Variants in LRMDA observed in about 807,000 individuals in gnomAD.
The protein encoded by LRMDA is leucine rich melanocyte differentiation associated, also known as leucine-rich melanocyte differentiation-associated protein.
A neutral mutation model predicts 29.8 loss-of-function variants in LRMDA; 18 were observed. The ratio of observed to expected loss-of-function variants is 0.60; its 90% confidence interval spans 0.42 to 0.90. The LOEUF is 0.90. LRMDA is among the 40% of genes least tolerant of loss of function. The pLI is 0.00. For missense variants in LRMDA, 273 were observed against 273.9 expected, an observed-to-expected ratio of 1.00 and a Z score of 0.02; for synonymous variants, 125 against 109.4, an observed-to-expected ratio of 1.14 and a Z score of -0.89.
chr10:76,380,954 C>T (rs1841583137), intron 6 of LRMDA, among the ~76,000 whole-genome samples: 4 of 148,532 alleles, frequency 2.7e-5, no homozygotes, highest in African/African-American at 9.9e-5. Context: ...TTATTTTTAA[C>T]ATTTTTGTGT....
chr10:76,454,283 T>C (rs1842435111), intron 6 of LRMDA, among the ~76,000 whole-genome samples: 1 of 152,202 alleles, frequency 6.6e-6, no homozygotes, highest in Admixed American at 6.5e-5. Context: ...TAATCTCTAC[T>C]GACGTGCTAA....
intron 2 of LRMDA, among the ~76,000 whole-genome samples, chr10:75,990,645 G>A (rs976786906): frequency 5.3e-5 from 8 of 152,154 alleles, no homozygotes; most frequent in Admixed American, 5.2e-4. Context: ...TGTGAAATAT[G>A]AGCCCTTCTG....
intron 2 of LRMDA, among the ~76,000 whole-genome samples, chr10:75,998,067 G>C (rs1367546602): frequency 1.3e-5 from 2 of 152,188 alleles, no homozygotes; most frequent in Admixed American, 6.5e-5. Context: ...ACCCTCAAAT[G>C]TCATCTAGGA....
At chr10:75,473,572 G>A (rs558076190) in intron 2 of LRMDA, among the ~76,000 whole-genome samples, 16 of 152,342 alleles carry the variant, frequency 1.1e-4, no homozygotes, top group African/African-American at 3.1e-4. Context: ...AGTGCACTTA[G>A]GAATGTGGGC....
chr10:76,094,015 T>C (rs1849275388), intron 5 of LRMDA, among the ~76,000 whole-genome samples: 1 of 152,218 alleles, frequency 6.6e-6, no homozygotes, highest in South Asian at 2.1e-4. Flanking sequence ...CCACACAGTT[T>C]TGTGTCCTCT....
chr10:76,540,895 A>C (rs1843346266), intron 6 of LRMDA, among the ~76,000 whole-genome samples: 1 of 152,336 alleles, frequency 6.6e-6, no homozygotes, highest in Admixed American at 6.5e-5. Flanking sequence ...CGAGTGAATA[A>C]CTTGCAGAAA....
At chr10:75,931,141 A>T (rs1846199414) in intron 2 of LRMDA, among the ~76,000 whole-genome samples, 1 of 152,206 alleles carries the variant, frequency 6.6e-6, no homozygotes, top group African/African-American at 2.4e-5. Flanking sequence ...CTCTAAAAAC[A>T]AGTTGAAAAA....
intron 5 of LRMDA, among the ~76,000 whole-genome samples, chr10:76,293,327 T>C (rs1306401134): frequency 6.6e-6 from 1 of 152,204 alleles, no homozygotes; most frequent in African/African-American, 2.4e-5. Context: ...AAATATGTTA[T>C]CTCTTTAGCC....
chr10:76,074,155 A>G (rs1360685119), intron 5 of LRMDA, among the ~76,000 whole-genome samples: 2 of 152,200 alleles, frequency 1.3e-5, no homozygotes, highest in African/African-American at 2.4e-5. Context: ...ATACTTGTTT[A>G]AAGATTGTAT....
intron 2 of LRMDA, among the ~76,000 whole-genome samples, chr10:75,738,901 GCT>G: frequency 6.6e-6 from 1 of 152,236 alleles, no homozygotes; most frequent in African/African-American, 2.4e-5. Flanking sequence ...TGAGTCAAAC[GCT>G]CTCTTTCTAT....
rs568256731 is a variant in LRMDA at position 76,024,880 on chromosome 10, G to A, written c.132-11128G>A. On this transcript the variant is annotated intron_variant, in intron 2 of 6. Transcript: ENST00000611255. ...ACAGTTCATGAGGTTGAAGAGCAGCGTTCTTGGCCCAACATATGTTTGCCC... is the reference window on the plus strand; with the variant it reads ...ACAGTTCATGAGGTTGAAGAGCAGCATTCTTGGCCCAACATATGTTTGCCC... 2.6e-4 allele frequency among the ~76,000 whole-genome samples: 40 copies of A among 152,348 alleles called. No individual in the cohort carries two copies. The South Asian group carries it at 3.3e-3, about 13-fold the overall frequency.
chr10:75,907,340 A>T (rs1041565553), intron 2 of LRMDA, among the ~76,000 whole-genome samples: 21 of 152,350 alleles, frequency 1.4e-4, no homozygotes, highest in African/African-American at 3.8e-4. Flanking sequence ...GTAATTTGAT[A>T]TTCATTAGCT....
chr10:75,475,159 C>T (rs1324840016), intron 2 of LRMDA, among the ~76,000 whole-genome samples: 3 of 152,124 alleles, frequency 2.0e-5, no homozygotes, highest in Non-Finnish European at 2.9e-5. Context: ...GATGCTGCAC[C>T]CCTGGTTGGG....
intron 2 of LRMDA, among the ~76,000 whole-genome samples, chr10:75,908,749 T>G (rs77975986): frequency 6.6e-6 from 1 of 151,968 alleles, no homozygotes; most frequent in Admixed American, 6.6e-5. Flanking sequence ...ATGCGATTTT[T>G]GTACCCACAG....
At chr10:76,352,657 C>A (rs1841191729) in intron 6 of LRMDA, among the ~76,000 whole-genome samples, 1 of 152,068 alleles carries the variant, frequency 6.6e-6, no homozygotes, top group African/African-American at 2.4e-5. Context: ...GTAACTAAAA[C>A]CATGCAGAAA....
chr10:75,436,594 A>G (rs1844266610), intron 1 of LRMDA, among the ~76,000 whole-genome samples: 1 of 151,862 alleles, frequency 6.6e-6, no homozygotes, highest in Admixed American at 6.6e-5. Flanking sequence ...TAGCCTCCTG[A>G]GTAGCTGGGA....
At chr10:76,183,881 G>T (rs1851097192) in intron 5 of LRMDA, among the ~76,000 whole-genome samples, 3 of 152,052 alleles carry the variant, frequency 2.0e-5, no homozygotes. Context: ...ACAATGCCTG[G>T]CTATTTAAAA....
At chr10:75,574,383 T>C (rs766113835) in intron 2 of LRMDA, among the ~76,000 whole-genome samples, 1 of 152,180 alleles carries the variant, frequency 6.6e-6, no homozygotes, top group Non-Finnish European at 1.5e-5. Context: ...TAATCTGCTG[T>C]GTTGCTAGAG....
chr10:75,816,656 G>A (rs1405936963), intron 2 of LRMDA, among the ~76,000 whole-genome samples: 1 of 152,200 alleles, frequency 6.6e-6, no homozygotes, highest in Non-Finnish European at 1.5e-5. Flanking sequence ...CTTATTGTAA[G>A]TAACAGAAGC....
Sources: gnomAD v4.1 joint callset for allele counts (sites outside exome capture counted in the v4.1 genomes callset) on GRCh38, gnomAD v4.1.1 for gene constraint, MANE v1.5 for transcripts, NCBI Gene and HGNC (gene_info 2026-07-23, HGNC 2026-07-21) for gene names.